Variants in HIBADH observed in about 807,000 individuals in gnomAD.
The protein encoded by HIBADH is 3-hydroxyisobutyrate dehydrogenase, mitochondrial.
HIBADH carries 25 observed loss-of-function variants against 36.1 expected under a neutral mutation model. The observed-to-expected ratio is 0.69, with a 90% CI of 0.50 to 0.97. HIBADH has a LOEUF of 0.97. Among genes scored for constraint, HIBADH ranks in the 50% least tolerant of loss-of-function variants. HIBADH has a pLI of 0.00. For synonymous variants in HIBADH, 160 were observed against 149.5 expected, an observed-to-expected ratio of 1.07 and a Z score of -0.51; for missense variants, 421 against 418.0, an observed-to-expected ratio of 1.01 and a Z score of -0.06.
At chr7:27,542,832 C>T (rs917150095) in intron 5 of HIBADH, 135 bp downstream of exon 5, 7 of 1,007,398 alleles carry the variant, frequency 6.9e-6, no homozygotes, top group Non-Finnish European at 1.0e-5. Context: ...TAATTTATTC[C>T]AAATAAATGT....
At chr7:27,533,268 A>C (rs1784027634) in intron 6 of HIBADH, among the ~76,000 whole-genome samples, 1 of 152,182 alleles carries the variant, frequency 6.6e-6, no homozygotes, top group African/African-American at 2.4e-5. Flanking sequence ...GTAAAACCCT[A>C]CATTTTTCTT....
At chr7:27,593,864 T>C (rs1784982680) in intron 4 of HIBADH, among the ~76,000 whole-genome samples, 1 of 151,826 alleles carries the variant, frequency 6.6e-6, no homozygotes, top group East Asian at 2.0e-4. Flanking sequence ...CTCATATGTA[T>C]AAACATCGAT....
chr7:27,630,996 A>C (rs1312562738), intron 3 of HIBADH, among the ~76,000 whole-genome samples: 1 of 152,220 alleles, frequency 6.6e-6, no homozygotes. Flanking sequence ...GGGTGTATGG[A>C]AATGATCCTC....
chr7:27,572,992 A>C (rs895150327), intron 4 of HIBADH, among the ~76,000 whole-genome samples: 7 of 152,338 alleles, frequency 4.6e-5, no homozygotes, highest in African/African-American at 1.7e-4. Flanking sequence ...AAAAGATCAG[A>C]TCAATATGGG....
intron 2 of HIBADH, among the ~76,000 whole-genome samples, chr7:27,636,739 T>C (rs138287920): frequency 2.0e-4 from 31 of 152,326 alleles, no homozygotes; most frequent in Non-Finnish European, 2.6e-4. Flanking sequence ...AGGAAAATCC[T>C]AGACAATGAA....
intron 4 of HIBADH, among the ~76,000 whole-genome samples, chr7:27,621,211 T>A (rs1053499092): frequency 2.6e-5 from 4 of 152,174 alleles, no homozygotes; most frequent in Non-Finnish European, 4.4e-5. Flanking sequence ...CACCCAACAC[T>A]GGAGCACCCA....
At chr7:27,585,421 G>GT (rs1182173199) in intron 4 of HIBADH, among the ~76,000 whole-genome samples, 2 of 152,040 alleles carry the variant, frequency 1.3e-5, no homozygotes, top group East Asian at 3.9e-4. Flanking sequence ...CTAGACTTTT[G>GT]TATCTTTGCC....
chr7:27,635,086 ATGTGTGTGTG>A lies in HIBADH; in HGVS notation c.253-2651_253-2642del, dbSNP rs3072901. 4.7e-5 allele frequency among the ~76,000 whole-genome samples: 7 copies of A among 149,772 alleles called. No homozygotes were observed. In the East Asian group the frequency reaches 9.9e-4, roughly 21 times the overall value. ...TCTCTCTTTCTCTCTCTCTCTGTGC[ATGTGTGTGTG>A]TGTGTGTGTGTGTGTATTTGGTACA... On this transcript the variant is annotated intron_variant, in intron 2 of 7. Transcript: ENST00000265395.
At chr7:27,530,810 G>A (rs548027047) in intron 7 of HIBADH, among the ~76,000 whole-genome samples, 1 of 152,238 alleles carries the variant, frequency 6.6e-6, no homozygotes, top group East Asian at 1.9e-4. Flanking sequence ...ATGCATATAT[G>A]CACTGCCAGT....
At chr7:27,529,236 TC>T (rs1660547694) in intron 7 of HIBADH, among the ~76,000 whole-genome samples, 2 of 152,264 alleles carry the variant, frequency 1.3e-5, no homozygotes, top group South Asian at 4.1e-4. Flanking sequence ...CAACATCCAT[TC>T]TGTAGCCCAT....
rs540697254 is a variant in HIBADH at position 27,629,581 on chromosome 7, C to T, written c.363-89G>A. 66 of 843,554 alleles carry T rather than the reference C, an allele frequency of 7.8e-5. 1 individual carries two copies. The highest frequency in any genetic ancestry group is 1.1e-4 in the Non-Finnish European group (63 of 587,158). 52.3% of individuals were successfully genotyped at this position (843,554 alleles called of 1,614,324 possible). A position where few individuals can be genotyped will look rare whatever the true frequency, so the allele number is the denominator to read the frequency against. On this transcript the variant is annotated intron_variant, in intron 3 of 7. Transcript: ENST00000265395. The stretch of plus-strand genomic sequence containing the variant: ...TACAGAATTAGAATCTGCTGAAAAG[C>T]TGCCATATATCAAGGAGGATTTTAG...
chr7:27,632,360 T>C lies in HIBADH; in HGVS notation c.338A>G (p.Tyr113Cys). The C allele has an allele frequency of 6.2e-7, 1 of 1,611,366 alleles. No homozygotes were observed. The change falls in exon 3 of 8, where the codon TAT (tyrosine) becomes TGT (cysteine). Residue 113 changes from tyrosine to cysteine, a missense_variant. Tyr to Cys is a radical substitution (Grantham distance 194). Transcript: ENST00000265395. ...CTTTAGAATCCCATTTGCTCCGGAATAAGCTTCTATTGCATTGATACTGGT... is the reference window on the plus strand; with the variant it reads ...CTTTAGAATCCCATTTGCTCCGGAACAAGCTTCTATTGCATTGATACTGGT... ...LPTSINAIEAYSGANGILKKV... is the reference protein window; with the variant it reads ...LPTSINAIEACSGANGILKKV...
chr7:27,658,263 G>A (rs938614165), intron 1 of HIBADH, among the ~76,000 whole-genome samples: 11 of 152,258 alleles, frequency 7.2e-5, no homozygotes, highest in Non-Finnish European at 7.4e-5. Context: ...ACAGTAGTGC[G>A]TGGAAAAAGT....
chr7:27,633,212 T>C (rs952533416), intron 2 of HIBADH, among the ~76,000 whole-genome samples: 2 of 152,188 alleles, frequency 1.3e-5, no homozygotes, highest in African/African-American at 4.8e-5. Context: ...CTTAGGTGCA[T>C]GCATGAGTAG....
chr7:27,654,274 T>G lies in HIBADH; in HGVS notation c.92-4641A>C, dbSNP rs927511862. Among the ~76,000 whole-genome samples the G allele has an allele frequency of 3.7e-4, 56 of 152,240 alleles. 2 individuals carry two copies. Among genetic ancestry groups the G allele is most frequent in the African/African-American group, 1.3e-3 (55 of 41,560 alleles). Reference sequence around the variant, plus strand: ...TCAACCACCCAAACACATATGTAACTAGAGTCCTCAAATGAGAAGAGAGAA... The same window carrying G: ...TCAACCACCCAAACACATATGTAACGAGAGTCCTCAAATGAGAAGAGAGAA... On this transcript the variant is annotated intron_variant, in intron 1 of 7. Coordinates refer to ENST00000265395, the MANE Select transcript of HIBADH (RefSeq NM_152740.4).
chr7:27,563,505 C>T (rs1461661672), intron 4 of HIBADH, among the ~76,000 whole-genome samples: 1 of 152,200 alleles, frequency 6.6e-6, no homozygotes, highest in East Asian at 1.9e-4. Context: ...TGCTATTTTG[C>T]ATCTCCACTA....
At chr7:27,638,000 C>G (rs1451243883) in intron 2 of HIBADH, among the ~76,000 whole-genome samples, 1 of 151,980 alleles carries the variant, frequency 6.6e-6, no homozygotes, top group Non-Finnish European at 1.5e-5. Flanking sequence ...CCATATTGCC[C>G]AAAGCAATTT....
intron 4 of HIBADH, among the ~76,000 whole-genome samples, chr7:27,612,640 A>G (rs992594697): frequency 6.6e-6 from 1 of 151,246 alleles, no homozygotes; most frequent in Admixed American, 6.6e-5. Context: ...TCTTTCTAAA[A>G]GTACCAGGCT....
chr7:27,545,137 C>A (rs991165848), intron 4 of HIBADH, among the ~76,000 whole-genome samples: 2 of 152,186 alleles, frequency 1.3e-5, no homozygotes, highest in Non-Finnish European at 2.9e-5. Context: ...CAAGCCTAGT[C>A]CCACAGCCAA....
Sources: gnomAD v4.1 joint callset for allele counts (sites outside exome capture counted in the v4.1 genomes callset) on GRCh38, gnomAD v4.1.1 for gene constraint, MANE v1.5 for transcripts, NCBI Gene and HGNC (gene_info 2026-07-23, HGNC 2026-07-21) for gene names.